The following EHHADH variants were observed in gnomAD, a reference collection of about 807,000 sequenced individuals.
The protein encoded by EHHADH is peroxisomal bifunctional enzyme.
A neutral mutation model predicts 64.4 loss-of-function variants in EHHADH; 48 were observed. That is an observed-to-expected ratio of 0.75 (90% CI 0.59 to 0.95). The LOEUF is 0.95. EHHADH is among the 40% of genes least tolerant of loss of function. EHHADH has a pLI of 0.00. For synonymous variants in EHHADH, 308 were observed against 326.7 expected (o/e 0.94, Z 0.62); for missense variants, 854 against 876.6 (o/e 0.97, Z 0.33).
chr3:185,228,257 A>AAAAATATATATATAT (rs1367786172), intron 4 of EHHADH, among the ~76,000 whole-genome samples: 4 of 22,008 alleles, frequency 1.8e-4, no homozygotes, highest in South Asian at 1.6e-3. Flanking sequence ...AAAAAAAAAA[A>AAAAATATATATATAT]ATATATATAT....
At chr3:185,199,285 A>T (rs1015207546) in intron 6 of EHHADH, among the ~76,000 whole-genome samples, 1 of 152,236 alleles carries the variant, frequency 6.6e-6, no homozygotes, top group Non-Finnish European at 1.5e-5. Flanking sequence ...TTTGTTCCCA[A>T]CACCAATTCA....
intron 6 of EHHADH, among the ~76,000 whole-genome samples, chr3:185,194,338 T>G (rs1717997066): frequency 6.6e-6 from 1 of 151,932 alleles, no homozygotes; most frequent in Admixed American, 6.6e-5. Context: ...GGGGGCCAGG[T>G]GCAATGGCTC....
At chr3:185,228,704 C>T (rs2108643912) in intron 4 of EHHADH, among the ~76,000 whole-genome samples, 1 of 152,140 alleles carries the variant, frequency 6.6e-6, no homozygotes, top group South Asian at 2.1e-4. Context: ...AAAAGAACAA[C>T]TTGCATTTCT....
chr3:185,226,098 T>A (rs1285294856), intron 4 of EHHADH, among the ~76,000 whole-genome samples: 3 of 152,198 alleles, frequency 2.0e-5, no homozygotes, highest in African/African-American at 4.8e-5. Flanking sequence ...CCAGCAAGTC[T>A]AACCACTTGG....
At chr3:185,213,867 C>T (rs1244482414) in intron 5 of EHHADH, among the ~76,000 whole-genome samples, 9 of 136,436 alleles carry the variant, frequency 6.6e-5, no homozygotes, top group East Asian at 6.3e-4. Context: ...GCAACAAGAG[C>T]GAAACTCCGT....
At position 185,216,878 on chromosome 3, in the gene EHHADH, G is replaced by T. The variant is rs544548641; in HGVS notation, c.568+1258C>A. On this transcript the variant is annotated intron_variant, in intron 5 of 6. Transcript: ENST00000231887. This position sits in a 1 kb window ranked among gnomAD's most constrained non-coding sequence, Gnocchi z 5.3. ...ACCCTCTCCATCTTGCTCATTTAAA[G>T]ATGACAACATCCATAGACTGAAAAG... is the stretch of plus-strand genomic sequence containing the variant. Among the ~76,000 whole-genome samples, 213 of 152,084 alleles carry T rather than the reference G, an allele frequency of 1.4e-3. No homozygotes were observed. Among genetic ancestry groups the T allele is most frequent in the African/African-American group, 4.9e-3 (204 of 41,490 alleles).
intron 4 of EHHADH, among the ~76,000 whole-genome samples, chr3:185,218,937 C>T (rs6786736): frequency 0.66 from 99,621 of 151,906 alleles, 34,838 homozygotes; most frequent in Non-Finnish European, 0.79. Flanking sequence ...GCAGGAGAAT[C>T]GCTTGAACCC....
At chr3:185,227,736 G>A (rs1327526242) in intron 4 of EHHADH, among the ~76,000 whole-genome samples, 2 of 152,202 alleles carry the variant, frequency 1.3e-5, no homozygotes, top group East Asian at 3.8e-4. Context: ...TGAGGCAGGA[G>A]AATCGCTTGA....
At chr3:185,250,551 A>T (rs1362749053) in intron 1 of EHHADH, among the ~76,000 whole-genome samples, 1 of 152,250 alleles carries the variant, frequency 6.6e-6, no homozygotes, top group Non-Finnish European at 1.5e-5. Flanking sequence ...AATTCCAAGT[A>T]TTCTGAGTAA....
In EHHADH at chr3:185,219,644, C is replaced by G. The variant is rs567781271; in HGVS notation, c.464-1404G>C. ...TAGGGGACATCAGCATCCCCTACCCCAGGGTCAGAAGGAAGAAGACAGTGA... is the reference window on the plus strand; with the variant it reads ...TAGGGGACATCAGCATCCCCTACCCGAGGGTCAGAAGGAAGAAGACAGTGA... On this transcript the variant is annotated intron_variant, in intron 4 of 6. Transcript: ENST00000231887. Among the ~76,000 whole-genome samples the G allele has an allele frequency of 2.9e-4, 44 of 152,276 alleles. 1 individual carries two copies. The South Asian group carries it at 7.5e-3, about 26-fold the overall frequency.
In EHHADH at chr3:185,204,371, C is replaced by T. The variant is rs762104990; in HGVS notation, c.910+45G>A. The T allele has an allele frequency of 2.6e-6, 4 of 1,511,732 alleles. No homozygotes were observed. The East Asian group carries it at 6.8e-5, about 26-fold the overall frequency. The allele number at this position is 1,511,732 out of a possible 1,614,324, so 93.6% of individuals were successfully genotyped here. A position where few individuals can be genotyped will look rare whatever the true frequency, so the allele number is the denominator to read the frequency against. On this transcript the variant is annotated intron_variant, in intron 6 of 6. Coordinates refer to ENST00000231887, the MANE Select transcript of EHHADH (RefSeq NM_001966.4). ...GCCCTAAGCAAATGGTAGCACATTA[C>T]ATGAGCAGATTTGGAGGATTCCATT...
intron 5 of EHHADH, among the ~76,000 whole-genome samples, 190 bp from the exon 6 acceptor site, chr3:185,204,947 T>C (rs1718345568): frequency 6.6e-6 from 1 of 152,152 alleles, no homozygotes. Flanking sequence ...TCCTACAAGA[T>C]AGAATTTAGT....
chr3:185,233,695 G>C (rs1413278607), intron 3 of EHHADH, among the ~76,000 whole-genome samples: 2 of 152,174 alleles, frequency 1.3e-5, no homozygotes, highest in Non-Finnish European at 2.9e-5. Context: ...CACCAGGCTG[G>C]AGTGCAGTGG....
chr3:185,228,257 A>AAATATATATATAT (rs1367786172), intron 4 of EHHADH, among the ~76,000 whole-genome samples: 6 of 22,012 alleles, frequency 2.7e-4, no homozygotes, highest in Non-Finnish European at 5.3e-4. Context: ...AAAAAAAAAA[A>AAATATATATATAT]ATATATATAT....
intron 4 of EHHADH, among the ~76,000 whole-genome samples, chr3:185,225,697 C>T (rs913649211): frequency 6.6e-6 from 1 of 152,170 alleles, no homozygotes; most frequent in African/African-American, 2.4e-5. Context: ...TGACTTCATC[C>T]TCTTACTACT....
intron 6 of EHHADH, among the ~76,000 whole-genome samples, chr3:185,201,168 G>A (rs745648781): frequency 5.3e-5 from 8 of 152,072 alleles, no homozygotes; most frequent in African/African-American, 9.7e-5. Flanking sequence ...GTGGAGAAGC[G>A]AGTGTGGAAT....
intron 6 of EHHADH, among the ~76,000 whole-genome samples, chr3:185,194,853 G>A (rs1486388032): frequency 7.9e-6 from 1 of 126,626 alleles, no homozygotes; most frequent in Non-Finnish European, 1.6e-5. Context: ...TTAAGACAGT[G>A]TAAGATAGTG....
intron 1 of EHHADH, among the ~76,000 whole-genome samples, chr3:185,248,718 A>G (rs184435814): frequency 4.3e-4 from 66 of 152,334 alleles, no homozygotes; most frequent in African/African-American, 1.4e-3. Flanking sequence ...TATGCCTATG[A>G]TTAATTAAGC....
intron 4 of EHHADH, among the ~76,000 whole-genome samples, chr3:185,224,501 CA>C (rs757023353): frequency 0.079 from 4,080 of 51,704 alleles, 116 homozygotes; most frequent in African/African-American, 0.24. Flanking sequence ...ACCCTGTCAC[CA>C]AAAAAAAAAA....
Sources: gnomAD v4.1 joint callset for allele counts (sites outside exome capture counted in the v4.1 genomes callset) on GRCh38, gnomAD v4.1.1 for gene constraint, Gnocchi (gnomAD v3.1) non-coding constraint, MANE v1.5 for transcripts, NCBI Gene and HGNC (gene_info 2026-07-23, HGNC 2026-07-21) for gene names.